EPB41L4B: variants seen among roughly 807,000 people sequenced by gnomAD.
EPB41L4B encodes erythrocyte membrane protein band 4.1 like 4B, also known as band 4.1-like protein 4B.
A neutral mutation model predicts 112.5 loss-of-function variants in EPB41L4B; 30 were observed. That is an observed-to-expected ratio of 0.27 (90% confidence interval 0.20 to 0.36). The LOEUF (loss-of-function observed/expected upper bound fraction) is 0.36, where lower values mean the gene tolerates loss of function less well. Ranked by LOEUF, EPB41L4B falls within the 10% of genes least tolerant of loss-of-function variation. The pLI is 1.00. For missense variants in EPB41L4B, 1,024 were observed against 1,133.3 expected (o/e 0.90, Z 1.38); for synonymous variants, 408 against 439.7 (o/e 0.93, Z 0.90).
At chr9:109,278,386 C>T (rs770100102) in intron 2 of EPB41L4B, among the ~76,000 whole-genome samples, 14 of 152,160 alleles carry the variant, frequency 9.2e-5, no homozygotes, top group Admixed American at 3.3e-4. Flanking sequence ...CCCAGAGGCA[C>T]TGTAGCCAGG....
intron 15 of EPB41L4B, among the ~76,000 whole-genome samples, chr9:109,228,318 T>A (rs1833850876): frequency 6.6e-6 from 1 of 152,230 alleles, no homozygotes; most frequent in African/African-American, 2.4e-5. Context: ...AAGACTCTGT[T>A]CTCAAACTTT....
At chr9:109,292,337 C>A (rs921206869) in intron 1 of EPB41L4B, among the ~76,000 whole-genome samples, 4 of 152,230 alleles carry the variant, frequency 2.6e-5, no homozygotes, top group Admixed American at 1.3e-4. Flanking sequence ...AATATACTAT[C>A]CCTACTGACA....
intron 15 of EPB41L4B, chr9:109,240,412 TA>T (rs1834313507): frequency 1.0e-6 from 1 of 985,288 alleles, no homozygotes; most frequent in Non-Finnish European, 1.2e-6. Context: ...CAGATTTTAG[TA>T]ATAAAATATC....
intron 18 of EPB41L4B, among the ~76,000 whole-genome samples, chr9:109,207,668 A>T (rs1285494992): frequency 2.0e-5 from 3 of 152,208 alleles, no homozygotes; most frequent in Admixed American, 6.5e-5. Flanking sequence ...GACAGGGCCC[A>T]GTTTTCCAGG....
At chr9:109,240,138 AATGAAG>A in intron 15 of EPB41L4B, 1 of 985,466 alleles carries the variant, frequency 1.0e-6, no homozygotes, top group African/African-American at 1.7e-5. Context: ...ATTTAAAAAA[AATGAAG>A]ATGGAGTCAA....
chr9:109,237,784 T>C (rs1307719761), intron 15 of EPB41L4B, among the ~76,000 whole-genome samples: 2 of 152,080 alleles, frequency 1.3e-5, no homozygotes, highest in Non-Finnish European at 2.9e-5. Context: ...TGGACAGTTA[T>C]GACTGGTAGT....
chr9:109,182,823 G>T (rs764894310), intron 23 of EPB41L4B, 26 bp from the exon 24 acceptor site: 1 of 1,521,438 alleles, frequency 6.6e-7, no homozygotes, highest in Non-Finnish European at 9.1e-7. Context: ...AGACAAGGGG[G>T]TTACCTTCAG....
intron 2 of EPB41L4B, among the ~76,000 whole-genome samples, chr9:109,276,060 A>G (rs1219756125): frequency 6.8e-6 from 1 of 147,986 alleles, no homozygotes; most frequent in African/African-American, 2.5e-5. Flanking sequence ...ATATATGTAT[A>G]TACATAAATA....
intron 1 of EPB41L4B, among the ~76,000 whole-genome samples, chr9:109,309,061 C>A (rs1018988762): frequency 6.6e-6 from 1 of 151,380 alleles, no homozygotes; most frequent in South Asian, 2.1e-4. Flanking sequence ...GGTGACGAAG[C>A]GAGATTCCGT....
chr9:109,313,007 G>A (rs147409072), intron 1 of EPB41L4B, among the ~76,000 whole-genome samples: 5 of 152,186 alleles, frequency 3.3e-5, no homozygotes, highest in Non-Finnish European at 5.9e-5. Flanking sequence ...TTGGGAGGCC[G>A]CAGTGGGAGG....
chr9:109,260,347 G>A (rs1237055458), intron 6 of EPB41L4B, among the ~76,000 whole-genome samples: 2 of 151,636 alleles, frequency 1.3e-5, no homozygotes, highest in Non-Finnish European at 2.9e-5. Flanking sequence ...TGAGATTACA[G>A]GCATGAGCCA....
At chr9:109,303,512 G>GT (rs902874062) in intron 1 of EPB41L4B, among the ~76,000 whole-genome samples, 22 of 151,522 alleles carry the variant, frequency 1.5e-4, no homozygotes, top group African/African-American at 4.9e-4. Context: ...CACCTGGCTG[G>GT]TTTTTTTTGT....
intron 1 of EPB41L4B, among the ~76,000 whole-genome samples, chr9:109,301,858 G>A (rs535531485): frequency 7.9e-5 from 12 of 152,302 alleles, no homozygotes; most frequent in African/African-American, 2.6e-4. Context: ...AGCCATGGTC[G>A]CACCATTGTA....
chr9:109,316,085 T>TC (rs1837624048), intron 1 of EPB41L4B, among the ~76,000 whole-genome samples: 1 of 152,082 alleles, frequency 6.6e-6, no homozygotes. Context: ...CCTCCCAACA[T>TC]CCCCATTTGA....
At chr9:109,318,748 G>A (rs1319419417) in intron 1 of EPB41L4B, among the ~76,000 whole-genome samples, 1 of 152,144 alleles carries the variant, frequency 6.6e-6, no homozygotes, top group Non-Finnish European at 1.5e-5. Flanking sequence ...ACAGCTCTAA[G>A]CACCCGAATG....
At chr9:109,227,619 G>A (rs989847206) in intron 15 of EPB41L4B, among the ~76,000 whole-genome samples, 2 of 150,758 alleles carry the variant, frequency 1.3e-5, no homozygotes, top group East Asian at 2.0e-4. Flanking sequence ...GTCTTGCTCT[G>A]TCATCAGGCT....
chr9:109,274,664 T>A (rs1241379565), intron 2 of EPB41L4B, among the ~76,000 whole-genome samples: 1 of 152,156 alleles, frequency 6.6e-6, no homozygotes, highest in Non-Finnish European at 1.5e-5. Context: ...TATATGTATG[T>A]ACGCATGAAC....
intron 15 of EPB41L4B, among the ~76,000 whole-genome samples, chr9:109,229,083 G>A (rs907626700): frequency 2.0e-5 from 3 of 151,996 alleles, no homozygotes; most frequent in African/African-American, 7.3e-5. Flanking sequence ...ATTAATTTTA[G>A]AAAAGAATAT....
intron 19 of EPB41L4B, among the ~76,000 whole-genome samples, chr9:109,202,252 G>A (rs1443539989): frequency 6.6e-6 from 1 of 152,152 alleles, no homozygotes; most frequent in Non-Finnish European, 1.5e-5. Flanking sequence ...AGGCAGCTGG[G>A]TATGTATCTC....
Sources: gnomAD v4.1 joint callset for allele counts (sites outside exome capture counted in the v4.1 genomes callset) on GRCh38, gnomAD v4.1.1 for gene constraint, MANE v1.5 for transcripts, NCBI Gene and HGNC (gene_info 2026-07-23, HGNC 2026-07-21) for gene names.